PTPRK: variants seen among roughly 807,000 people sequenced by gnomAD.
PTPRK encodes protein tyrosine phosphatase receptor type K.
PTPRK carries 75 observed loss-of-function variants against 178.0 expected under a neutral mutation model. That is an observed-to-expected ratio of 0.42 (90% CI 0.35 to 0.51). The LOEUF is 0.51. Ranked by LOEUF, PTPRK falls within the 20% of genes least tolerant of loss-of-function variation. The pLI is 0.02. For missense variants in PTPRK, 1,441 were observed against 1,797.8 expected, an observed-to-expected ratio of 0.80 and a Z score of 3.59; for synonymous variants, 637 against 620.6, an observed-to-expected ratio of 1.03 and a Z score of -0.39.
intron 1 of PTPRK, among the ~76,000 whole-genome samples, chr6:128,447,106 G>GA (rs1562539691): frequency 6.6e-6 from 1 of 151,926 alleles, no homozygotes; most frequent in Admixed American, 6.6e-5. Context: ...CCACTTTAAT[G>GA]AAAAAAAGAT....
intron 5 of PTPRK, among the ~76,000 whole-genome samples, chr6:128,233,495 GT>G (rs935015564): frequency 2.0e-5 from 3 of 152,138 alleles, no homozygotes; most frequent in African/African-American, 7.2e-5. Context: ...CGCTCTGGTT[GT>G]TTTTGAGAGC....
chr6:128,400,934 TAGGC>T (rs1002203488), intron 1 of PTPRK, among the ~76,000 whole-genome samples: 9 of 152,264 alleles, frequency 5.9e-5, no homozygotes, highest in African/African-American at 2.2e-4. Context: ...GAAATTTAGT[TAGGC>T]AGAGGGAAAG....
chr6:128,256,497 C>G (rs537985411), intron 3 of PTPRK, among the ~76,000 whole-genome samples: 68 of 149,744 alleles, frequency 4.5e-4, no homozygotes, highest in Middle Eastern at 3.6e-3. Context: ...GGTTGGAGTG[C>G]AGTGGCGATC....
chr6:128,138,970 A>C (rs1795397408), intron 7 of PTPRK, among the ~76,000 whole-genome samples: 1 of 152,122 alleles, frequency 6.6e-6, no homozygotes, highest in Non-Finnish European at 1.5e-5. Flanking sequence ...AAAATGAAGT[A>C]TGGTGTATAG....
intron 5 of PTPRK, among the ~76,000 whole-genome samples, chr6:128,230,498 GCT>G (rs1583591751): frequency 6.6e-6 from 1 of 152,138 alleles, no homozygotes; most frequent in African/African-American, 2.4e-5. Context: ...TGGCTGGCAA[GCT>G]CTCTTTCTTG....
chr6:128,141,556 TTGGAGTA>T (rs1795769028), intron 7 of PTPRK, among the ~76,000 whole-genome samples: 1 of 151,818 alleles, frequency 6.6e-6, no homozygotes, highest in Non-Finnish European at 1.5e-5. Flanking sequence ...CTGTTGAGAT[TTGGAGTA>T]TGGAGTCCTC....
At chr6:128,366,480 T>C (rs1250074161) in intron 2 of PTPRK, among the ~76,000 whole-genome samples, 1 of 152,170 alleles carries the variant, frequency 6.6e-6, no homozygotes, top group African/African-American at 2.4e-5. Flanking sequence ...CATCTCCATT[T>C]ACTAAGCATC....
intron 1 of PTPRK, among the ~76,000 whole-genome samples, chr6:128,500,026 T>G (rs1855307097): frequency 6.6e-6 from 1 of 152,236 alleles, no homozygotes; most frequent in South Asian, 2.1e-4. Context: ...TCCCTATAGG[T>G]TGGTGGACTC....
At chr6:128,434,770 A>G (rs1190847364) in intron 1 of PTPRK, among the ~76,000 whole-genome samples, 1 of 152,192 alleles carries the variant, frequency 6.6e-6, no homozygotes, top group Admixed American at 6.5e-5. Context: ...GGCTTATGCC[A>G]GCACTTTGAA....
chr6:128,173,226 G>A (rs1038721897), intron 7 of PTPRK, among the ~76,000 whole-genome samples: 5 of 151,930 alleles, frequency 3.3e-5, no homozygotes, highest in Non-Finnish European at 7.4e-5. Flanking sequence ...ATCACATATT[G>A]AACAAATTTA....
At chr6:128,485,004 T>C (rs1036750003) in intron 1 of PTPRK, among the ~76,000 whole-genome samples, 2 of 152,308 alleles carry the variant, frequency 1.3e-5, no homozygotes, top group African/African-American at 4.8e-5. Context: ...TGCATTAGAC[T>C]GAGGTCTCTG....
intron 7 of PTPRK, among the ~76,000 whole-genome samples, chr6:128,102,822 T>C (rs1388209788): frequency 6.6e-6 from 1 of 152,164 alleles, no homozygotes; most frequent in Non-Finnish European, 1.5e-5. Context: ...CAAGCTTTCC[T>C]ATCTCAGTAA....
At chr6:128,243,548 T>G (rs2128284989) in intron 3 of PTPRK, among the ~76,000 whole-genome samples, 1 of 146,062 alleles carries the variant, frequency 6.8e-6, no homozygotes, top group South Asian at 2.2e-4. Flanking sequence ...TAGCTGGGTG[T>G]GGTGACACAT....
chr6:127,971,467 T>C (rs1044235458), intron 29 of PTPRK, among the ~76,000 whole-genome samples: 6 of 152,320 alleles, frequency 3.9e-5, no homozygotes, highest in South Asian at 2.1e-4. Context: ...CCTACCACTG[T>C]GGCGAGTGCA....
intron 2 of PTPRK, among the ~76,000 whole-genome samples, chr6:128,390,086 G>A (rs1245339145): frequency 6.6e-6 from 1 of 152,062 alleles, no homozygotes; most frequent in South Asian, 2.1e-4. Flanking sequence ...ATAGACAGAT[G>A]ATAACATGGT....
rs115604830 is a variant in PTPRK, at chr6:128,440,544, A to G, written c.101-42856T>C. Among the ~76,000 whole-genome samples the G allele has an allele frequency of 8.9e-3, 1,355 of 152,326 alleles. 20 individuals are homozygous for G. The highest frequency in any genetic ancestry group is 0.031 in the African/African-American group (1,276 of 41,568). On this transcript the variant is annotated intron_variant, in intron 1 of 29. Coordinates refer to ENST00000368226, the MANE Select transcript of PTPRK (RefSeq NM_002844.4). ...TATAGTGAAATTTTCCCATTCTGCA[A>G]GTAACTGCTGCCATTAGTATCTTGT...
rs1775512441 is a variant in PTPRK, at chr6:127,982,930, T to C, written c.3438A>G (p.Gly1146=). 1 of 1,613,204 alleles carries C rather than the reference T, an allele frequency of 6.2e-7. No homozygotes were observed. Among genetic ancestry groups the C allele is most frequent in the African/African-American group, 1.3e-5 (1 of 74,898 alleles). The change falls in exon 24 of 30, where the codon GGA becomes GGG. Residue 1146 remains glycine, a synonymous_variant. Transcript: ENST00000368226. ...HDAILEACLC[G]ETAIPVCEFK... ...ATTCACAGACAGGTATGGCAGTTTC[T>C]CCACATAAGCAGGCTTCTAAAATGG...
chr6:128,395,011 T>A (rs1020966901), intron 2 of PTPRK, among the ~76,000 whole-genome samples: 2 of 152,180 alleles, frequency 1.3e-5, no homozygotes, highest in African/African-American at 2.4e-5. Flanking sequence ...GTTTTGTTTT[T>A]GTTTGTGTTT....
At chr6:128,183,560 G>A (rs1375903413) in intron 7 of PTPRK, among the ~76,000 whole-genome samples, 2 of 151,986 alleles carry the variant, frequency 1.3e-5, no homozygotes, top group Admixed American at 1.3e-4. Flanking sequence ...GATACATCAG[G>A]TAACTGAATG....
Sources: allele counts gnomAD v4.1 joint callset (sites outside exome capture counted in the v4.1 genomes callset), GRCh38; gene constraint gnomAD v4.1.1; transcripts MANE v1.5; gene names NCBI Gene and HGNC (gene_info 2026-07-23, HGNC 2026-07-21).